The following ADAMTSL1 variants were observed in gnomAD, a reference collection of about 807,000 sequenced individuals.
ADAMTSL1 encodes ADAMTS like 1, also known as ADAMTS-like protein 1.
A neutral mutation model predicts 201.8 loss-of-function variants in ADAMTSL1; 126 were observed. The ratio of observed to expected loss-of-function variants is 0.62; its 90% CI spans 0.54 to 0.72. The LOEUF is 0.72. Among genes scored for constraint, ADAMTSL1 ranks in the 30% least tolerant of loss-of-function variants. The pLI is 0.00. For synonymous variants in ADAMTSL1, 1,121 were observed against 903.4 expected, an observed-to-expected ratio of 1.24 and a Z score of -4.32; for missense variants, 2,679 against 2,277.8, an observed-to-expected ratio of 1.18 and a Z score of -3.59.
chr9:18,550,273 G>T (rs2132216615), intron 3 of ADAMTSL1, among the ~76,000 whole-genome samples: 1 of 151,790 alleles, frequency 6.6e-6, no homozygotes, highest in South Asian at 2.1e-4. Context: ...CAGACCTTAA[G>T]ATCTTAAGGT....
intron 2 of ADAMTSL1, among the ~76,000 whole-genome samples, chr9:18,516,098 A>AAG (rs1454913274): frequency 1.3e-5 from 2 of 151,674 alleles, no homozygotes; most frequent in African/African-American, 4.8e-5. Flanking sequence ...AAAAAAAAAA[A>AAG]AAAGAAAGAA....
intron 1 of ADAMTSL1, among the ~76,000 whole-genome samples, chr9:18,127,095 T>C (rs1825762398): frequency 1.3e-5 from 2 of 152,154 alleles, no homozygotes; most frequent in Non-Finnish European, 2.9e-5. Flanking sequence ...TGGGAGCTCA[T>C]TGTTAATGGT....
chr9:18,680,548 A>G, intron 11 of ADAMTSL1, 32 bp downstream of exon 11: 1 of 1,608,552 alleles, frequency 6.2e-7, no homozygotes, highest in Non-Finnish European at 8.5e-7. Context: ...GTTCATTAGG[A>G]GAGTAAGTCC....
intron 1 of ADAMTSL1, among the ~76,000 whole-genome samples, chr9:18,483,925 A>G (rs561786522): frequency 1.7e-4 from 26 of 152,268 alleles, no homozygotes; most frequent in Non-Finnish European, 2.9e-4. Context: ...TAAAATCTGT[A>G]AAATACGGCT....
intron 1 of ADAMTSL1, among the ~76,000 whole-genome samples, chr9:17,987,753 T>A (rs1818988025): frequency 6.6e-6 from 1 of 152,072 alleles, no homozygotes; most frequent in African/African-American, 2.4e-5. Context: ...ACTTTTCTTA[T>A]CTTTCCTTCA....
chr9:18,699,320 CTTTTTTTT>C (rs34869167), intron 13 of ADAMTSL1, among the ~76,000 whole-genome samples: 2 of 120,292 alleles, frequency 1.7e-5, no homozygotes, highest in African/African-American at 3.1e-5. Context: ...GGGTTTTTTA[CTTTTTTTT>C]TTTTTTTTTT....
At chr9:18,308,894 T>C (rs1834010622) in intron 2 of ADAMTSL1, among the ~76,000 whole-genome samples, 1 of 152,086 alleles carries the variant, frequency 6.6e-6, no homozygotes, top group Admixed American at 6.6e-5. Context: ...AAAGAAAATA[T>C]CAGGCCAATA....
At chr9:18,854,062 G>T (rs1242469711) in intron 23 of ADAMTSL1, among the ~76,000 whole-genome samples, 1 of 152,142 alleles carries the variant, frequency 6.6e-6, no homozygotes. Flanking sequence ...TTTTAGAAAA[G>T]TTTGGGAAAG....
At chr9:18,457,418 A>G (rs1820647857) in intron 2 of ADAMTSL1, among the ~76,000 whole-genome samples, 2 of 152,150 alleles carry the variant, frequency 1.3e-5, no homozygotes, top group Admixed American at 1.3e-4. Flanking sequence ...TGCAGCCTCA[A>G]GCTCCTAGGC....
At chr9:18,790,615 A>G (rs749285220) in intron 19 of ADAMTSL1, among the ~76,000 whole-genome samples, 36 of 152,236 alleles carry the variant, frequency 2.4e-4, no homozygotes, top group Admixed American at 5.2e-4. Flanking sequence ...TCCATATCTT[A>G]TTCTCATGCA....
At chr9:18,704,831 G>A (rs1832137013) in intron 13 of ADAMTSL1, among the ~76,000 whole-genome samples, 1 of 152,166 alleles carries the variant, frequency 6.6e-6, no homozygotes, top group Non-Finnish European at 1.5e-5. Flanking sequence ...TGAGAGGGAG[G>A]TGAAATTGTG....
In ADAMTSL1 at chr9:18,182,220, A is replaced by G. The variant is rs1828523635; in HGVS notation, c.207+18239A>G. 1.3e-5 allele frequency among the ~76,000 whole-genome samples: 2 copies of G among 151,900 alleles called. 1 individual carries two copies. Among genetic ancestry groups the G allele is most frequent in the African/African-American group, 4.8e-5 (2 of 41,336 alleles). On this transcript the variant is annotated intron_variant, in intron 2 of 29. Transcript: ENST00000680146. ...GAGTTAGTGGGTGCAGCGCACCAGC[A>G]TGTCACATGTATACATATGTAACAA...
At chr9:18,815,666 C>A (rs1329288414) in intron 20 of ADAMTSL1, among the ~76,000 whole-genome samples, 1 of 142,620 alleles carries the variant, frequency 7.0e-6, no homozygotes, top group Non-Finnish European at 1.5e-5. Context: ...CAACATCACA[C>A]CACTGCCCTC....
rs145847318 is a variant in ADAMTSL1 at position 18,697,817 on chromosome 9, C to T, written c.1575-8930C>T. Among the ~76,000 whole-genome samples the T allele has an allele frequency of 5.1e-4, 78 of 152,104 alleles. 2 individuals carry two copies. In the East Asian group the frequency reaches 9.7e-3, roughly 19 times the overall value. On this transcript the variant is annotated intron_variant, in intron 13 of 28. Transcript: ENST00000380548. ...TGCTGTGGTGGAGAAGATTGGAAGA[C>T]GATAGGGTTACTGAAGGGAGAAATC... is the stretch of plus-strand genomic sequence containing the variant.
chr9:18,020,598 G>A (rs1820440250), intron 1 of ADAMTSL1, among the ~76,000 whole-genome samples: 1 of 152,024 alleles, frequency 6.6e-6, no homozygotes, highest in Non-Finnish European at 1.5e-5. Context: ...ACTATCAACA[G>A]AACAGCAGGG....
intron 2 of ADAMTSL1, among the ~76,000 whole-genome samples, chr9:18,506,212 T>C (rs1174579079): frequency 6.6e-6 from 1 of 152,222 alleles, no homozygotes; most frequent in East Asian, 1.9e-4. Flanking sequence ...ACTAGACTTT[T>C]GCTCCTTATG....
chr9:18,033,820 C>A (rs1021329435), intron 1 of ADAMTSL1, among the ~76,000 whole-genome samples: 2 of 152,122 alleles, frequency 1.3e-5, no homozygotes, highest in African/African-American at 4.8e-5. Flanking sequence ...GAGGGGAGAC[C>A]CCTCTCTTAT....
At chr9:17,954,049 G>C (rs1026481862) in intron 1 of ADAMTSL1, among the ~76,000 whole-genome samples, 4 of 152,178 alleles carry the variant, frequency 2.6e-5, no homozygotes, top group African/African-American at 9.7e-5. Context: ...GGGATAGTTG[G>C]AAGGTCTGGG....
intron 13 of ADAMTSL1, among the ~76,000 whole-genome samples, chr9:18,697,988 C>G (rs1212793662): frequency 2.6e-5 from 4 of 152,122 alleles, no homozygotes; most frequent in African/African-American, 9.7e-5. Flanking sequence ...CTTCAGTTTC[C>G]TCATCGGTCT....
Sources: gnomAD v4.1 joint callset for allele counts (sites outside exome capture counted in the v4.1 genomes callset) on GRCh38, gnomAD v4.1.1 for gene constraint, MANE v1.5 for transcripts, NCBI Gene and HGNC (gene_info 2026-07-23, HGNC 2026-07-21) for gene names.